The following CTR9 variants were observed in gnomAD, a reference collection of about 807,000 sequenced individuals.
The protein encoded by CTR9 is CTR9 component of Paf1/RNA polymerase II complex, also known as RNA polymerase-associated protein CTR9 homolog.
In CTR9, 41 loss-of-function variants were observed where a neutral mutation model predicts 152.1. That is an observed-to-expected ratio of 0.27 (90% confidence interval 0.21 to 0.35). CTR9 has a LOEUF of 0.35. CTR9 is among the 10% of genes least tolerant of loss of function. CTR9 has a pLI of 1.00. For missense variants in CTR9, 917 were observed against 1,424.4 expected (o/e 0.64, Z 5.73); for synonymous variants, 476 against 496.2 (o/e 0.96, Z 0.54).
At position 10,770,270 on chromosome 11, in the gene CTR9, G is replaced by A; in HGVS notation, c.2170G>A (p.Ala724Thr). The change falls in exon 17 of 25, where the codon GCC becomes ACC. Residue 724 changes from alanine to threonine, a missense_variant. By Grantham distance (58) the Ala-to-Thr change is moderately conservative (BLOSUM62 0). Transcript: ENST00000361367. Reference protein sequence around the residue: ...HQNTEVVLYLARALFKCGKLQ... With the variant: ...HQNTEVVLYLTRALFKCGKLQ... ...AAACACTGAAGTTGTACTCTATTTG[G>A]CCCGGGCCCTCTTCAAGTGTGGCAA... 1 of 1,613,904 alleles carries A rather than the reference G, an allele frequency of 6.2e-7. No individual in the cohort carries two copies. The highest frequency in any genetic ancestry group is 8.5e-7 in the Non-Finnish European group (1 of 1,179,958).
Position 10,774,192 on chromosome 11 carries a change from TTAAG to T in CTR9, c.2885+27_2885+30del, listed in dbSNP as rs764248359. The T allele has an allele frequency of 8.2e-6, 13 of 1,585,480 alleles. No individual in the cohort carries two copies. The South Asian group carries it at 1.3e-4, about 16-fold the overall frequency. The stretch of plus-strand genomic sequence containing the variant: ...AAGGTAATGTCATCATTAATGTGCT[TTAAG>T]TAACCTCATAAAAGTGGTGAAAGAC... On this transcript the variant is annotated intron_variant, in intron 22 of 24. Transcript: ENST00000361367.
rs914276069 is a variant in CTR9 at position 10,767,336 on chromosome 11, G to A, written c.1687-470G>A. On this transcript the variant is annotated intron_variant, in intron 13 of 24. Transcript: ENST00000361367. The surrounding 1 kb of genome is among the most constrained non-coding windows in gnomAD (Gnocchi z 4.0). ...ATGGTTCCACGTTTGTAACGTTTTG[G>A]TTGAGATTTTAAATGGTGGACAAGT... is the stretch of plus-strand genomic sequence containing the variant. 1.9e-5 allele frequency: 3 copies of A among 156,334 alleles called. No homozygotes were observed. The highest frequency in any genetic ancestry group is 4.8e-5 in the African/African-American group (2 of 41,480). 9.7% of individuals were successfully genotyped at this position (156,334 alleles called of 1,614,324 possible).
At chr11:10,755,857 C>T in intron 4 of CTR9, 62 bp downstream of exon 4, 2 of 948,818 alleles carry the variant, frequency 2.1e-6, no homozygotes, top group Non-Finnish European at 3.3e-6. Flanking sequence ...TAGAATATAT[C>T]TCTTGGTAAT....
chr11:10,752,818 A>G (rs758376573), intron 2 of CTR9, 48 bp downstream of exon 2: 3 of 1,453,000 alleles, frequency 2.1e-6, no homozygotes, highest in South Asian at 2.3e-5. Context: ...CTAGGAAAAT[A>G]TGTAGTTTCT....
At position 10,751,544 on chromosome 11, in the gene CTR9, G is replaced by A. The variant is rs969445631; in HGVS notation, c.45+87G>A. ...TCGCTCGACTTCGTTTCTGAAGCGA[G>A]AGCATCCTCCTTCCCTAAGAGCCCT... On this transcript the variant is annotated intron_variant, in intron 1 of 24. Transcript: ENST00000361367. The A allele has an allele frequency of 2.8e-5, 36 of 1,302,338 alleles. No individual in the cohort carries two copies. In the South Asian group the frequency reaches 3.3e-4, roughly 12 times the overall value. 80.7% of individuals were successfully genotyped at this position (1,302,338 alleles called of 1,614,324 possible).
rs1181945552 is a variant in CTR9 at position 10,778,837 on chromosome 11, C to CA, written c.3255dup (p.Asp1086ArgfsTer3). ...CGAAGACAGCGGTCAGATCAGGACTCAGACAGTGACCAGCCATCCAGAAAG... is the reference window on the plus strand; with the variant it reads ...CGAAGACAGCGGTCAGATCAGGACTCAAGACAGTGACCAGCCATCCAGAAAG... On this transcript the variant is annotated frameshift_variant, in exon 25 of 25. Coordinates refer to ENST00000361367, the MANE Select transcript of CTR9 (RefSeq NM_014633.5). LOFTEE classifies it high-confidence loss of function. 6.2e-7 allele frequency: 1 copy of CA among 1,614,222 alleles called. No homozygotes were observed. Among genetic ancestry groups the CA allele is most frequent in the Admixed American group, 1.7e-5 (1 of 60,024 alleles).
At chr11:10,771,789 A>G (rs901692154) in intron 19 of CTR9, among the ~76,000 whole-genome samples, 173 bp downstream of exon 19, 1 of 152,168 alleles carries the variant, frequency 6.6e-6, no homozygotes, top group Non-Finnish European at 1.5e-5. Context: ...AGGGAATTGG[A>G]CAAAATTGCC....
rs1446362649 is a variant in CTR9 at position 10,762,002 on chromosome 11, C to T, written c.797C>T (p.Pro266Leu). Reference sequence around the variant, plus strand: ...CTTTCCAGAGCCTATACTATTGATCCTAGCAACCCTATGGTATTGAACCAT... The same window carrying T: ...CTTTCCAGAGCCTATACTATTGATCTTAGCAACCCTATGGTATTGAACCAT... Reference protein sequence around the residue: ...QLLSRAYTIDPSNPMVLNHLA... With the variant: ...QLLSRAYTIDLSNPMVLNHLA... Residue 266 changes from proline to leucine, a missense_variant, in exon 7 of 25, where the codon CCT becomes CTT. Physicochemically the swap from Pro to Leu is moderately conservative, Grantham distance 98. Around this residue, in one of 9 missense-constraint regions of CTR9, gnomAD observed 16 missense variants for 67.4 expected, o/e 0.24. Coordinates refer to ENST00000361367, the MANE Select transcript of CTR9 (RefSeq NM_014633.5). The T allele has an allele frequency of 1.9e-6, 3 of 1,610,970 alleles. No homozygotes were observed. Among genetic ancestry groups the T allele is most frequent in the Admixed American group, 1.7e-5 (1 of 59,568 alleles).
At chr11:10,763,213 A>G (rs1301288569) in intron 7 of CTR9, among the ~76,000 whole-genome samples, 2 of 146,200 alleles carry the variant, frequency 1.4e-5, no homozygotes, top group Non-Finnish European at 3.0e-5. Context: ...GTGACCTTAG[A>G]CTAACCACAG....
intron 5 of CTR9, 140 bp downstream of exon 5, chr11:10,756,978 T>C: frequency 1.5e-6 from 1 of 679,868 alleles, no homozygotes; most frequent in Non-Finnish European, 2.6e-6. Flanking sequence ...TTTTTGATGC[T>C]ATGTTTGAGT....
intron 2 of CTR9, among the ~76,000 whole-genome samples, chr11:10,753,058 T>C (rs1590016380): frequency 6.6e-6 from 1 of 152,206 alleles, no homozygotes; most frequent in East Asian, 1.9e-4. Context: ...TGGCTTATGG[T>C]TTATAGATAA....
In CTR9 at chr11:10,767,784, T is replaced by C. The variant is rs186069258; in HGVS notation, c.1687-22T>C. 2.5e-5 allele frequency: 40 copies of C among 1,611,712 alleles called. No homozygotes were observed. In the Admixed American group the frequency reaches 6.5e-4, roughly 26 times the overall value. On this transcript the variant is annotated intron_variant, in intron 13 of 24. Coordinates refer to ENST00000361367, the MANE Select transcript of CTR9 (RefSeq NM_014633.5). The surrounding 1 kb of genome is among the most constrained non-coding windows in gnomAD (Gnocchi z 4.0). ...GTCAAACTAAACTGCAGATTTTCCT[T>C]CTTCATGTATGTATGTTTCAGGATC...
At chr11:10,776,583 A>C (rs1054515359) in intron 24 of CTR9, among the ~76,000 whole-genome samples, 2 of 152,236 alleles carry the variant, frequency 1.3e-5, no homozygotes, top group African/African-American at 4.8e-5. Context: ...TGTGTGAGAC[A>C]GTGTAAGTGC....
At chr11:10,771,330 T>C (rs921761619) in intron 18 of CTR9, among the ~76,000 whole-genome samples, 4 of 152,224 alleles carry the variant, frequency 2.6e-5, no homozygotes, top group African/African-American at 4.8e-5. Flanking sequence ...TTGAATTGCT[T>C]TGTGGTTATT....
At chr11:10,761,378 ACCAACCC>A (rs372699629) in intron 6 of CTR9, among the ~76,000 whole-genome samples, 152,102 of 152,270 alleles carry the variant, frequency 1, 75,967 homozygotes, top group Middle Eastern at 1. Flanking sequence ...GCAGGATGTT[ACCAACCC>A]AAATGGCTGT....
chr11:10,762,801 C>A (rs114138529), intron 7 of CTR9, among the ~76,000 whole-genome samples: 4,646 of 152,066 alleles, frequency 0.031, 103 homozygotes, highest in African/African-American at 0.053. Flanking sequence ...CCCAGGAGTT[C>A]AGGACCAACA....
chr11:10,778,894 A>G lies in CTR9; in HGVS notation c.3311A>G (p.Asn1104Ser), dbSNP rs776284880. The stretch of plus-strand genomic sequence containing the variant: ...CCCTCCGGTTCTGAGCAGTCTGACA[A>G]TGAATCTGTGCAGTCAGGGAGAAGC... ...RRPSGSEQSD[N>S]ESVQSGRSHS... The change falls in exon 25 of 25, where the codon AAT (asparagine) becomes AGT (serine). Residue 1104 changes from asparagine (N) to serine (S), a missense_variant. This residue lies in a region of CTR9 where 384 missense variants were observed against 398.4 expected (regional missense o/e 0.96). Coordinates refer to ENST00000361367, the MANE Select transcript of CTR9 (RefSeq NM_014633.5). 7 of 1,614,102 alleles carry G rather than the reference A, an allele frequency of 4.3e-6. No homozygotes were observed. Among genetic ancestry groups the G allele is most frequent in the African/African-American group, 2.7e-5 (2 of 74,952 alleles).
At chr11:10,776,557 A>G (rs1284324482) in intron 24 of CTR9, among the ~76,000 whole-genome samples, 1 of 152,170 alleles carries the variant, frequency 6.6e-6, no homozygotes, top group Non-Finnish European at 1.5e-5. Context: ...CATTCAACAG[A>G]CATTTGAACA....
intron 21 of CTR9, 92 bp from the exon 22 acceptor site, chr11:10,773,920 G>T: frequency 4.0e-4 from 249 of 627,218 alleles, no homozygotes; most frequent in Non-Finnish European, 5.7e-4. Flanking sequence ...ATTGTCAAAT[G>T]ACAATGGATA....
Sources: gnomAD v4.1 joint callset for allele counts (sites outside exome capture counted in the v4.1 genomes callset) on GRCh38, gnomAD v4.1.1 for gene constraint, gnomAD v4.1.1 regional missense constraint, Gnocchi (gnomAD v3.1) non-coding constraint, MANE v1.5 for transcripts, NCBI Gene and HGNC (gene_info 2026-07-23, HGNC 2026-07-21) for gene names.